The following NTM variants were observed in gnomAD, a reference collection of about 807,000 sequenced individuals.
The protein encoded by NTM is neurotrimin, also known as IgLON family member 2.
In NTM, 13 loss-of-function variants were observed where a neutral mutation model predicts 42.1. That is an observed-to-expected ratio of 0.31 (90% CI 0.20 to 0.49). The LOEUF (loss-of-function observed/expected upper bound fraction) is 0.49, where lower values mean the gene tolerates loss of function less well. NTM is among the 20% of genes least tolerant of loss of function. NTM has a pLI of 0.99. For missense variants in NTM, 373 were observed against 452.8 expected (o/e 0.82, Z 1.60); for synonymous variants, 187 against 179.2 (o/e 1.04, Z -0.35).
At chr11:132,297,441 T>G (rs2094655227) in intron 4 of NTM, among the ~76,000 whole-genome samples, 1 of 152,314 alleles carries the variant, frequency 6.6e-6, no homozygotes. Flanking sequence ...AGCCTCTAGT[T>G]CATCAGCCAG....
chr11:131,994,416 G>A (rs781447117), intron 2 of NTM, among the ~76,000 whole-genome samples: 8 of 152,096 alleles, frequency 5.3e-5, no homozygotes, highest in Non-Finnish European at 1.0e-4. Context: ...ACAATATTAG[G>A]GGAGCCCTCA....
At chr11:132,208,211 A>C (rs1323797718) in intron 3 of NTM, among the ~76,000 whole-genome samples, 2 of 152,238 alleles carry the variant, frequency 1.3e-5, no homozygotes, top group East Asian at 1.9e-4. Context: ...TGGCTTAGCT[A>C]AAACCACAGT....
chr11:132,139,596 C>A (rs1054911796), intron 2 of NTM, among the ~76,000 whole-genome samples: 2 of 152,196 alleles, frequency 1.3e-5, no homozygotes, highest in African/African-American at 2.4e-5. Context: ...GCAAAGGCTT[C>A]TTGATTTATC....
intron 1 of NTM, among the ~76,000 whole-genome samples, chr11:131,908,546 C>G (rs535756221): frequency 1.3e-5 from 2 of 152,334 alleles, no homozygotes; most frequent in South Asian, 4.1e-4. Context: ...TCTCCTTTCC[C>G]CATGACTAGC....
chr11:131,931,721 G>A (rs1274637492), intron 2 of NTM, among the ~76,000 whole-genome samples: 1 of 152,250 alleles, frequency 6.6e-6, no homozygotes, highest in Non-Finnish European at 1.5e-5. Context: ...GCCACTGCTG[G>A]TCTAGAAGGC....
At chr11:131,389,024 A>AAG (rs1555097643) in intron 1 of NTM, among the ~76,000 whole-genome samples, 1 of 89,906 alleles carries the variant, frequency 1.1e-5, no homozygotes, top group African/African-American at 4.6e-5. Flanking sequence ...AAAAAAAAAA[A>AAG]AAAAGAAAAG....
chr11:131,595,101 G>A (rs1470438734), intron 1 of NTM, among the ~76,000 whole-genome samples: 1 of 152,196 alleles, frequency 6.6e-6, no homozygotes, highest in Non-Finnish European at 1.5e-5. Flanking sequence ...CATCATAGCT[G>A]TTTTGCCATT....
chr11:131,935,709 C>G (rs1469475731), intron 2 of NTM, among the ~76,000 whole-genome samples: 2 of 152,164 alleles, frequency 1.3e-5, no homozygotes, highest in Non-Finnish European at 2.9e-5. Context: ...ATTTCCTCAT[C>G]CATAGAATGA....
At chr11:132,219,142 T>TC (rs1312430841) in intron 4 of NTM, among the ~76,000 whole-genome samples, 1 of 152,018 alleles carries the variant, frequency 6.6e-6, no homozygotes, top group Non-Finnish European at 1.5e-5. Context: ...TCTCCTTCCA[T>TC]CCCCCCTACT....
At chr11:131,896,583 T>C (rs1007523853) in intron 1 of NTM, among the ~76,000 whole-genome samples, 1 of 152,172 alleles carries the variant, frequency 6.6e-6, no homozygotes, top group African/African-American at 2.4e-5. Flanking sequence ...CAGTCTTTCT[T>C]TGACTTGCAG....
At chr11:131,528,745 A>G (rs2050840087) in intron 1 of NTM, among the ~76,000 whole-genome samples, 3 of 152,220 alleles carry the variant, frequency 2.0e-5, no homozygotes. Flanking sequence ...ATGCATGCTA[A>G]ATAAATGGGT....
chr11:132,325,934 G>A (rs1439647645), intron 7 of NTM, among the ~76,000 whole-genome samples: 69 of 151,724 alleles, frequency 4.5e-4, no homozygotes, highest in African/African-American at 1.4e-3. Context: ...ACCAAACACC[G>A]CGTGTTCTCA....
At chr11:131,445,630 G>A (rs531450344) in intron 1 of NTM, among the ~76,000 whole-genome samples, 152 of 152,240 alleles carry the variant, frequency 1.0e-3, no homozygotes, top group African/African-American at 3.6e-3. Flanking sequence ...AGTGTTTAGA[G>A]GTGTACTAGT....
chr11:132,295,457 T>C (rs2094578776), intron 4 of NTM, among the ~76,000 whole-genome samples: 1 of 152,076 alleles, frequency 6.6e-6, no homozygotes, highest in South Asian at 2.1e-4. Context: ...GGGGTAAACA[T>C]ATATAAATAA....
chr11:131,429,844 T>C (rs1299684846), intron 1 of NTM, among the ~76,000 whole-genome samples: 4 of 152,230 alleles, frequency 2.6e-5, no homozygotes, highest in African/African-American at 9.6e-5. Flanking sequence ...CTGAAATAGC[T>C]TGCATTTCCT....
intron 1 of NTM, among the ~76,000 whole-genome samples, chr11:131,565,014 A>G (rs1175960224): frequency 6.6e-6 from 1 of 152,200 alleles, no homozygotes; most frequent in Non-Finnish European, 1.5e-5. Flanking sequence ...ATGGGACAGG[A>G]CGACATACTC....
intron 1 of NTM, among the ~76,000 whole-genome samples, chr11:131,881,477 T>TACACACAC (rs34722610): frequency 0.016 from 1,681 of 104,684 alleles, 23 homozygotes; most frequent in African/African-American, 0.033. Context: ...AGCTCTCAGT[T>TACACACAC]ACACACACAC....
Position 131,564,640 on chromosome 11 carries a change from T to C in NTM, c.82+193752T>C, listed in dbSNP as rs142805765. 1.3e-3 allele frequency among the ~76,000 whole-genome samples: 193 copies of C among 152,332 alleles called. 1 individual carries two copies. The highest frequency in any genetic ancestry group is 0.011 in the East Asian group (58 of 5,182). On this transcript the variant is annotated intron_variant, in intron 1 of 8. Coordinates refer to ENST00000683400, the MANE Select transcript of NTM (RefSeq NM_001352005.2). ...ATCACTACCATCAAGGTAACAAATA[T>C]ATCCATCACCTCCAAGAGTTTCTTC...
chr11:131,666,175 G>T (rs1376676296), intron 1 of NTM, among the ~76,000 whole-genome samples: 4 of 152,092 alleles, frequency 2.6e-5, no homozygotes, highest in Admixed American at 1.3e-4. Context: ...TCAACCCATG[G>T]TCAAGTGACT....
Sources: gnomAD v4.1 joint callset for allele counts (sites outside exome capture counted in the v4.1 genomes callset) on GRCh38, gnomAD v4.1.1 for gene constraint, MANE v1.5 for transcripts, NCBI Gene and HGNC (gene_info 2026-07-23, HGNC 2026-07-21) for gene names.